RPGRIP1: variants seen among roughly 807,000 people sequenced by gnomAD.
The protein encoded by RPGRIP1 is X-linked retinitis pigmentosa GTPase regulator-interacting protein 1.
RPGRIP1 carries 128 observed loss-of-function variants against 157.9 expected under a neutral mutation model. That is an observed-to-expected ratio of 0.81 (90% CI 0.70 to 0.94). The LOEUF (loss-of-function observed/expected upper bound fraction) is 0.94, where lower values mean the gene tolerates loss of function less well. Ranked by LOEUF, RPGRIP1 falls within the 40% of genes least tolerant of loss-of-function variation. The probability of loss-of-function intolerance (pLI) is 0.00; values close to 1 mark genes in which losing one functional copy is unlikely to be tolerated. For missense variants in RPGRIP1, 1,486 were observed against 1,545.8 expected, an observed-to-expected ratio of 0.96 and a Z score of 0.65; for synonymous variants, 554 against 571.6, an observed-to-expected ratio of 0.97 and a Z score of 0.44.
intron 12 of RPGRIP1, among the ~76,000 whole-genome samples, chr14:21,320,937 C>G (rs914947028): frequency 6.6e-6 from 1 of 152,114 alleles, no homozygotes. Flanking sequence ...GAAGGCAGAG[C>G]GTAGAGAACT....
chr14:21,306,815 C>T (rs10130582), intron 6 of RPGRIP1, among the ~76,000 whole-genome samples: 36,087 of 148,116 alleles, frequency 0.24, 4,611 homozygotes, highest in South Asian at 0.3. Context: ...ACTCTGTTGT[C>T]GCCAGGCTGG....
Position 21,322,056 on chromosome 14 carries a change from G to A in RPGRIP1, c.1762+52G>A, listed in dbSNP as rs140802328. 5.4e-5 allele frequency: 83 copies of A among 1,523,884 alleles called. 1 individual carries two copies. The Middle Eastern group carries it at 1.9e-3, about 36-fold the overall frequency. The allele number at this position is 1,523,884 out of a possible 1,614,324, so 94.4% of individuals were successfully genotyped here. On this transcript the variant is annotated intron_variant, in intron 14 of 24. Coordinates refer to ENST00000400017, the MANE Select transcript of RPGRIP1 (RefSeq NM_020366.4). ...ACTTCGGGACCCTTCCACAGCTAAC[G>A]CCTGTGTTCCACTCTGTGTACTTGT... is the stretch of plus-strand genomic sequence containing the variant.
At chr14:21,297,534 CAA>C (rs1880836950) in intron 3 of RPGRIP1, among the ~76,000 whole-genome samples, 1 of 152,110 alleles carries the variant, frequency 6.6e-6, no homozygotes, top group Admixed American at 6.6e-5. Flanking sequence ...TGGGAGTTCT[CAA>C]AGTCTGGAGT....
intron 21 of RPGRIP1, among the ~76,000 whole-genome samples, chr14:21,341,041 T>TTTG (rs1555305571): frequency 6.6e-6 from 1 of 151,858 alleles, no homozygotes; most frequent in Admixed American, 6.6e-5. Context: ...AATATCGTTT[T>TTTG]TTTGTTTGTT....
At chr14:21,327,830 G>A in intron 18 of RPGRIP1, 23 bp downstream of exon 18, 1 of 1,534,720 alleles carries the variant, frequency 6.5e-7, no homozygotes, top group Non-Finnish European at 8.8e-7. Context: ...GACTCCACAG[G>A]TAGCAGATCT....
chr14:21,283,767 C>T (rs374019101), intron 1 of RPGRIP1, among the ~76,000 whole-genome samples: 1 of 151,988 alleles, frequency 6.6e-6, no homozygotes, highest in East Asian at 1.9e-4. Flanking sequence ...AAGCGATTCT[C>T]CTGCCTCAGC....
At chr14:21,311,676 A>C (rs1881546739) in intron 8 of RPGRIP1, 148 bp from the exon 9 acceptor site, 1 of 510,206 alleles carries the variant, frequency 2.0e-6, no homozygotes, top group South Asian at 5.7e-5. Context: ...GTGAAAAACA[A>C]GGTTAACGAA....
Position 21,298,951 on chromosome 14 carries a change from A to G in RPGRIP1, c.219-2015A>G, listed in dbSNP as rs1396982500. 5.8e-4 allele frequency among the ~76,000 whole-genome samples: 88 copies of G among 151,410 alleles called. 1 individual carries two copies. Among genetic ancestry groups the G allele is most frequent in the African/African-American group, 2.0e-3 (81 of 41,414 alleles). On this transcript the variant is annotated intron_variant, in intron 3 of 24. Transcript: ENST00000400017. ...TGAGACTCTGTCTCATAAAAAAAAA[A>G]AAAAAAAAAAAAAGAATCTGCAGGA...
chr14:21,342,049 C>CAA (rs769694278), intron 21 of RPGRIP1, among the ~76,000 whole-genome samples: 1,722 of 113,096 alleles, frequency 0.015, 45 homozygotes, highest in African/African-American at 0.051. Flanking sequence ...GACACTGTCT[C>CAA]AAAAAAAAAA....
At chr14:21,337,507 T>C (rs1376463949) in intron 21 of RPGRIP1, among the ~76,000 whole-genome samples, 1 of 145,688 alleles carries the variant, frequency 6.9e-6, no homozygotes, top group Non-Finnish European at 1.5e-5. Context: ...AGTGGCGCAA[T>C]CTCGGCTTAC....
rs770674526 is a variant in RPGRIP1 at position 21,281,022 on chromosome 14, C to CT, written c.-39+877dup. ...TGGAAAATGGCTACCTTGGGCTTTT[C>CT]TTTTTTTTTTTTTTGAGACAGAATC... is the stretch of plus-strand genomic sequence containing the variant. On this transcript the variant is annotated intron_variant, in intron 1 of 24. Transcript: ENST00000400017. 6.6e-3 allele frequency among the ~76,000 whole-genome samples: 923 copies of CT among 139,260 alleles called. 3 individuals are homozygous for CT. The highest frequency in any genetic ancestry group is 8.5e-3 in the Admixed American group (120 of 14,088). 91.4% of individuals were successfully genotyped at this position (139,260 alleles called of 152,430 possible).
intron 21 of RPGRIP1, among the ~76,000 whole-genome samples, chr14:21,337,593 C>T (rs1884505904): frequency 6.6e-6 from 1 of 150,768 alleles, no homozygotes; most frequent in East Asian, 2.0e-4. Context: ...AGGTGTGTGT[C>T]ACCACGACCA....
rs1881555189 is a variant in RPGRIP1, at chr14:21,311,910, G to C, written c.1017G>C (p.Lys339Asn). 3.1e-6 allele frequency: 5 copies of C among 1,613,146 alleles called. No individual in the cohort carries two copies. Among genetic ancestry groups the C allele is most frequent in the Admixed American group, 1.7e-5 (1 of 59,876 alleles). ...LRAELKEESK[K>N]AVSLKSQLED... ...CAGAGCTGAAGGAAGAAAGCAAGAA[G>C]GCTGTGAGCTTGAAGAGCCAACTGG... The change falls in exon 9 of 25, where the codon AAG (lysine) becomes AAC (asparagine). Residue 339 changes from lysine to asparagine, a missense_variant. Transcript: ENST00000400017.
At chr14:21,288,316 G>A (rs1266510304) in intron 2 of RPGRIP1, among the ~76,000 whole-genome samples, 5 of 151,694 alleles carry the variant, frequency 3.3e-5, no homozygotes, top group Middle Eastern at 3.4e-3. Flanking sequence ...AAGTAGCAGG[G>A]ATTACAGGCG....
intron 6 of RPGRIP1, among the ~76,000 whole-genome samples, chr14:21,305,081 C>T (rs868191409): frequency 2.0e-5 from 3 of 152,188 alleles, no homozygotes; most frequent in Admixed American, 6.6e-5. Flanking sequence ...GGATTACAGG[C>T]GTAAGCCACT....
At chr14:21,301,301 C>T in intron 4 of RPGRIP1, 64 bp downstream of exon 4, 1 of 1,500,386 alleles carries the variant, frequency 6.7e-7, no homozygotes, top group South Asian at 1.2e-5. Context: ...GTGCCAGCCA[C>T]GTTTTCCTCA....
chr14:21,335,415 A>G (rs1189419143), intron 21 of RPGRIP1, among the ~76,000 whole-genome samples: 1 of 152,112 alleles, frequency 6.6e-6, no homozygotes, highest in South Asian at 2.1e-4. Context: ...TCTTCATGGG[A>G]GGGCTCATGG....
At chr14:21,283,342 G>C (rs550517283) in intron 1 of RPGRIP1, among the ~76,000 whole-genome samples, 3 of 151,974 alleles carry the variant, frequency 2.0e-5, no homozygotes, top group African/African-American at 7.2e-5. Context: ...TCACACTGTC[G>C]CCCAGGCTGG....
At chr14:21,308,538 T>C (rs1368037535) in intron 7 of RPGRIP1, among the ~76,000 whole-genome samples, 1 of 151,732 alleles carries the variant, frequency 6.6e-6, no homozygotes, top group South Asian at 2.1e-4. Flanking sequence ...AAAGAGAGAG[T>C]AGTCAGACCC....
Sources: allele counts gnomAD v4.1 joint callset (sites outside exome capture counted in the v4.1 genomes callset), GRCh38; gene constraint gnomAD v4.1.1; transcripts MANE v1.5; gene names NCBI Gene and HGNC (gene_info 2026-07-23, HGNC 2026-07-21).